Variants in KLF8 observed in about 807,000 individuals in gnomAD.
The protein encoded by KLF8 is KLF transcription factor 8.
A neutral mutation model predicts 18.2 loss-of-function variants in KLF8; 10 were observed. The ratio of observed to expected loss-of-function variants is 0.55; its 90% confidence interval spans 0.34 to 0.93. The LOEUF (loss-of-function observed/expected upper bound fraction) is 0.93, where lower values mean the gene tolerates loss of function less well. Ranked by LOEUF, KLF8 falls within the 40% of genes least tolerant of loss-of-function variation. KLF8 has a pLI of 0.02. For synonymous variants in KLF8, 109 were observed against 97.3 expected (o/e 1.12, Z -0.71); for missense variants, 264 against 277.9 (o/e 0.95, Z 0.36).
At chrX:56,192,173 G>T in the KLF8 span, among the ~76,000 whole-genome samples, 1 of 111,748 alleles carries the variant, frequency 8.9e-6, no homozygotes, top group African/African-American at 3.2e-5. Context: ...ATTTCTTAAT[G>T]CCAAGAGGAA....
chrX:56,130,153 C>T, the KLF8 span, among the ~76,000 whole-genome samples: 134 of 111,255 alleles, frequency 1.2e-3, no homozygotes, highest in African/African-American at 4.3e-3. Flanking sequence ...CCTATACTAC[C>T]ACAGCTAATG....
chrX:56,026,194 T>A, the KLF8 span, among the ~76,000 whole-genome samples: 1 of 111,393 alleles, frequency 9.0e-6, no homozygotes, highest in Admixed American at 9.5e-5. Context: ...GCTGTGGGAG[T>A]GGTCATGATA....
chrX:55,935,732 C>A, the KLF8 span, among the ~76,000 whole-genome samples: 2 of 111,980 alleles, frequency 1.8e-5, no homozygotes, highest in South Asian at 7.3e-4. Context: ...AAAAATATAT[C>A]ACTTATACTT....
chrX:56,033,929 C>G, the KLF8 span, among the ~76,000 whole-genome samples: 1 of 112,127 alleles, frequency 8.9e-6, no homozygotes, highest in Non-Finnish European at 1.9e-5. Flanking sequence ...ATATTGAATA[C>G]CTTACATATT....
intron 5 of KLF8, among the ~76,000 whole-genome samples, chrX:56,280,940 G>A (rs776071503): frequency 8.9e-6 from 1 of 112,036 alleles, no homozygotes; most frequent in Non-Finnish European, 1.9e-5. Context: ...AGTCATTGTA[G>A]TCCACCTTAT....
chrX:56,063,843 C>T, the KLF8 span, among the ~76,000 whole-genome samples: 1 of 110,823 alleles, frequency 9.0e-6, no homozygotes, highest in Admixed American at 9.7e-5. Context: ...TTCAGAGATG[C>T]CCTGCCCAGA....
At chrX:55,921,521 G>C in the KLF8 span, among the ~76,000 whole-genome samples, 1 of 111,772 alleles carries the variant, frequency 8.9e-6, no homozygotes, top group Non-Finnish European at 1.9e-5. Flanking sequence ...AACTCTAGAA[G>C]AAAATCTAGG....
the KLF8 span, among the ~76,000 whole-genome samples, chrX:56,070,955 G>A: frequency 2.7e-5 from 3 of 111,982 alleles, no homozygotes; most frequent in East Asian, 2.8e-4. Flanking sequence ...TACTCTAATA[G>A]GAGACAGCTA....
chrX:55,987,766 G>T, the KLF8 span, among the ~76,000 whole-genome samples: 2 of 112,061 alleles, frequency 1.8e-5, no homozygotes, highest in Admixed American at 9.5e-5. Flanking sequence ...GATCCCTGAG[G>T]AATCACCACA....
the KLF8 span, among the ~76,000 whole-genome samples, chrX:56,064,694 T>G: frequency 9.0e-6 from 1 of 111,440 alleles, no homozygotes; most frequent in Non-Finnish European, 1.9e-5. Context: ...TACCAGTGAG[T>G]TTTATATGTT....
At chrX:56,177,866 G>A in the KLF8 span, among the ~76,000 whole-genome samples, 2 of 112,046 alleles carry the variant, frequency 1.8e-5, no homozygotes, top group Non-Finnish European at 3.8e-5. Flanking sequence ...TGCTAGCAAT[G>A]AGCAAGGATC....
At chrX:56,014,847 A>G in the KLF8 span, 2 of 74,161 alleles carry the variant, frequency 2.7e-5, no homozygotes, top group African/African-American at 1.1e-4. Context: ...TTTTGCAGAG[A>G]TGTGGTTGGA....
the KLF8 span, among the ~76,000 whole-genome samples, chrX:56,130,970 C>A: frequency 9.0e-6 from 1 of 111,039 alleles, no homozygotes; most frequent in Non-Finnish European, 1.9e-5. Flanking sequence ...AAAAGAATTT[C>A]AAAAATGTGC....
At chrX:56,272,299 C>T (rs2144119) in intron 5 of KLF8, among the ~76,000 whole-genome samples, 57,041 of 109,322 alleles carry the variant, frequency 0.52, 13,336 homozygotes, top group Non-Finnish European at 0.72. Context: ...CAACCTCTGC[C>T]TCCTGGGTTC....
the KLF8 span, among the ~76,000 whole-genome samples, chrX:55,936,994 A>T: frequency 9.0e-6 from 1 of 111,621 alleles, no homozygotes; most frequent in African/African-American, 3.3e-5. Context: ...TGCAGACTTA[A>T]ATGTTCCTGT....
the KLF8 span, among the ~76,000 whole-genome samples, chrX:56,189,971 G>A: frequency 4.0e-3 from 428 of 107,608 alleles, 3 homozygotes; most frequent in Middle Eastern, 9.4e-3. Context: ...GTATACATAT[G>A]TAACTAACCT....
the KLF8 span, among the ~76,000 whole-genome samples, chrX:56,203,147 T>C: frequency 8.9e-6 from 1 of 112,503 alleles, no homozygotes; most frequent in Non-Finnish European, 1.9e-5. Context: ...CATTTCATTG[T>C]AGTTTTGATT....
At chrX:56,118,541 T>A in the KLF8 span, among the ~76,000 whole-genome samples, 3 of 111,136 alleles carry the variant, frequency 2.7e-5, no homozygotes, top group Non-Finnish European at 5.7e-5. Context: ...ATAGGTAGAG[T>A]GGAGATTCTG....
At chrX:56,169,538 C>T in the KLF8 span, among the ~76,000 whole-genome samples, 1 of 111,037 alleles carries the variant, frequency 9.0e-6, no homozygotes, top group African/African-American at 3.3e-5. Flanking sequence ...AGAACATAAG[C>T]AGTAGTTTGG....
Sources: gnomAD v4.1 joint callset for allele counts (sites outside exome capture counted in the v4.1 genomes callset) on GRCh38, gnomAD v4.1.1 for gene constraint, MANE v1.5 for transcripts, NCBI Gene and HGNC (gene_info 2026-07-23, HGNC 2026-07-21) for gene names.